PTCD3: variants seen among roughly 807,000 people sequenced by gnomAD.
PTCD3 encodes the protein pentatricopeptide repeat domain 3.
A neutral mutation model predicts 101.9 loss-of-function variants in PTCD3; 89 were observed. The ratio of observed to expected loss-of-function variants is 0.87; its 90% CI spans 0.74 to 1.04. The LOEUF is 1.04. Among genes scored for constraint, PTCD3 ranks in the 50% least tolerant of loss-of-function variants. The probability of loss-of-function intolerance (pLI) is 0.00; values close to 1 mark genes in which losing one functional copy is unlikely to be tolerated. For missense variants in PTCD3, 870 were observed against 828.2 expected (o/e 1.05, Z -0.62); for synonymous variants, 296 against 278.5 (o/e 1.06, Z -0.63).
At chr2:86,108,608 A>G in intron 3 of PTCD3, 72 bp downstream of exon 3, 4 of 1,386,992 alleles carry the variant, frequency 2.9e-6, no homozygotes, top group Non-Finnish European at 3.9e-6. Context: ...AGGGTTAGGT[A>G]AGGAGACAGT....
chr2:86,128,947 C>T (rs550787652), intron 14 of PTCD3, among the ~76,000 whole-genome samples: 1 of 152,234 alleles, frequency 6.6e-6, no homozygotes, highest in East Asian at 1.9e-4. Context: ...GAGAAATAAC[C>T]CTTGAGTTCA....
chr2:86,121,612 T>C lies in PTCD3; in HGVS notation c.654+18T>C. On this transcript the variant is annotated intron_variant, in intron 8 of 23. Coordinates refer to ENST00000254630, the MANE Select transcript of PTCD3 (RefSeq NM_017952.6). Reference sequence around the variant, plus strand: ...AAGCATTGGTAATAACTGTTGGCCTTGATTTTTTTTTTTCCTTAAGCTTCT... The same window carrying C: ...AAGCATTGGTAATAACTGTTGGCCTCGATTTTTTTTTTTCCTTAAGCTTCT... The C allele has an allele frequency of 6.6e-7, 1 of 1,513,380 alleles. No individual in the cohort carries two copies. Among genetic ancestry groups the C allele is most frequent in the Middle Eastern group, 1.8e-4 (1 of 5,700 alleles). 93.7% of individuals were successfully genotyped at this position (1,513,380 alleles called of 1,614,324 possible).
At chr2:86,127,361 C>A in intron 13 of PTCD3, 56 bp downstream of exon 13, 1 of 1,539,082 alleles carries the variant, frequency 6.5e-7, no homozygotes, top group Non-Finnish European at 8.8e-7. Context: ...CCAGAGGTTT[C>A]AGGGCTACAT....
chr2:86,131,215 C>T, intron 16 of PTCD3, 109 bp downstream of exon 16: 2 of 828,328 alleles, frequency 2.4e-6, no homozygotes, highest in Non-Finnish European at 3.6e-6. Flanking sequence ...CATGTCTTTG[C>T]TTCTGTTTTT....
Position 86,139,783 on chromosome 2 carries a change from A to G in PTCD3, c.*2224A>G, listed in dbSNP as rs1674651793. On this transcript the variant is annotated 3_prime_UTR_variant, in exon 24 of 24. Coordinates refer to ENST00000254630, the MANE Select transcript of PTCD3 (RefSeq NM_017952.6). ...ACCACTGCATTCCAGCCTGGTTGACAGAGTGACCCTTGTCTCCAAGAAAAA... is the reference window on the plus strand; with the variant it reads ...ACCACTGCATTCCAGCCTGGTTGACGGAGTGACCCTTGTCTCCAAGAAAAA... 1 of 152,154 alleles carries G rather than the reference A, an allele frequency of 6.6e-6. No homozygotes were observed. Among genetic ancestry groups the G allele is most frequent in the South Asian group, 2.1e-4 (1 of 4,818 alleles). The allele number at this position is 152,154 out of a possible 1,614,324, so 9.4% of individuals were successfully genotyped here.
In PTCD3 at chr2:86,116,605, A is replaced by G; in HGVS notation, c.309+7A>G. ...AGCATCATCTTTGGAATCTGTGAGT[A>G]TTTTCATATAATTTTCTAGTGTTTT... On this transcript the variant is annotated splice_region_variant and intron_variant, in intron 5 of 23. Coordinates refer to ENST00000254630, the MANE Select transcript of PTCD3 (RefSeq NM_017952.6). 1.3e-6 allele frequency: 2 copies of G among 1,591,646 alleles called. No individual in the cohort carries two copies. Among genetic ancestry groups the G allele is most frequent in the Non-Finnish European group, 1.7e-6 (2 of 1,159,754 alleles).
In PTCD3 at chr2:86,137,128, A is replaced by G. The variant is rs760169791; in HGVS notation, c.1967A>G (p.Asn656Ser). 10 of 1,586,776 alleles carry G rather than the reference A, an allele frequency of 6.3e-6. No individual in the cohort carries two copies. The highest frequency in any genetic ancestry group is 7.7e-6 in the Non-Finnish European group (9 of 1,167,678). ...AGAGTAATGAGTGATTTTGCAATCA[A>G]CCAGGAACAAAAGTAAGTGGTCACC... ...TQRVMSDFAI[N>S]QEQKEALSNL... Residue 656 changes from asparagine (N) to serine (S), a missense_variant, in exon 23 of 24, where the codon AAC (asparagine) becomes AGC (serine). Coordinates refer to ENST00000254630, the MANE Select transcript of PTCD3 (RefSeq NM_017952.6).
At chr2:86,128,026 G>A in intron 14 of PTCD3, 35 bp downstream of exon 14, 1 of 1,494,984 alleles carries the variant, frequency 6.7e-7, no homozygotes, top group Non-Finnish European at 9.3e-7. Context: ...AATTTATATA[G>A]AAAATTGACC....
chr2:86,124,025 G>T (rs1287783350), intron 9 of PTCD3, among the ~76,000 whole-genome samples: 2 of 151,826 alleles, frequency 1.3e-5, no homozygotes. Context: ...CTTTCATATG[G>T]TATGGTTCCT....
At chr2:86,112,600 T>C (rs1441090658) in intron 4 of PTCD3, among the ~76,000 whole-genome samples, 2 of 148,286 alleles carry the variant, frequency 1.3e-5, no homozygotes, top group Non-Finnish European at 3.0e-5. Flanking sequence ...GAGAATCTCT[T>C]GAACCTGGGA....
intron 3 of PTCD3, 163 bp downstream of exon 3, chr2:86,108,699 G>C (rs1014085398): frequency 1.5e-5 from 9 of 599,984 alleles, no homozygotes; most frequent in Non-Finnish European, 2.6e-5. Context: ...ACAAAAAATG[G>C]AAAGGTGGAG....
intron 4 of PTCD3, among the ~76,000 whole-genome samples, chr2:86,114,479 G>A (rs1268149010): frequency 1.3e-5 from 2 of 152,022 alleles, no homozygotes; most frequent in East Asian, 1.9e-4. Flanking sequence ...TAGTAGAGAC[G>A]GAGTTTCACT....
intron 15 of PTCD3, 83 bp from the exon 16 acceptor site, chr2:86,130,995 T>G: frequency 6.9e-7 from 1 of 1,456,622 alleles, no homozygotes; most frequent in Non-Finnish European, 9.4e-7. Flanking sequence ...CCAGTTTTGT[T>G]GGCAGGATTT....
chr2:86,108,093 T>G (rs1673998686), intron 1 of PTCD3, among the ~76,000 whole-genome samples: 1 of 143,520 alleles, frequency 7.0e-6, no homozygotes, highest in South Asian at 2.2e-4. Context: ...ACTACTTCAC[T>G]AAAGGCTAGG....
chr2:86,118,761 CAG>C (rs1332220172), intron 6 of PTCD3, among the ~76,000 whole-genome samples, 158 bp from the exon 7 acceptor site: 1 of 152,212 alleles, frequency 6.6e-6, no homozygotes, highest in African/African-American at 2.4e-5. Context: ...CCTGTGAAGA[CAG>C]TGATGTTAAA....
chr2:86,138,171 A>G lies in PTCD3; in HGVS notation c.*612A>G, dbSNP rs1213530952. ...TATTTTTGTTAATATAGCCGCTGCCATAGTTTTCTAACTTGAACAGCCATG... is the reference window on the plus strand; with the variant it reads ...TATTTTTGTTAATATAGCCGCTGCCGTAGTTTTCTAACTTGAACAGCCATG... On this transcript the variant is annotated 3_prime_UTR_variant, in exon 24 of 24. Coordinates refer to ENST00000254630, the MANE Select transcript of PTCD3 (RefSeq NM_017952.6). 1 of 152,602 alleles carries G rather than the reference A, an allele frequency of 6.6e-6. No individual in the cohort carries two copies. Among genetic ancestry groups the G allele is most frequent in the Non-Finnish European group, 1.5e-5 (1 of 68,342 alleles). 9.5% of individuals were successfully genotyped at this position (152,602 alleles called of 1,614,324 possible). A position where few individuals can be genotyped will look rare whatever the true frequency, so the allele number is the denominator to read the frequency against.
At chr2:86,106,729 C>A (rs1291004851) in intron 1 of PTCD3, among the ~76,000 whole-genome samples, 2 of 152,114 alleles carry the variant, frequency 1.3e-5, no homozygotes, top group African/African-American at 4.8e-5. Context: ...AAGATCTTCC[C>A]AAATAAAAGG....
At position 86,140,918 on chromosome 2, in the gene PTCD3, A is replaced by AG. The variant is rs1213136210; in HGVS notation, c.*3359_*3360insG. 8.6e-6 allele frequency: 1 copy of AG among 115,694 alleles called. No individual in the cohort carries two copies. Among genetic ancestry groups the AG allele is most frequent in the South Asian group, 3.6e-4 (1 of 2,758 alleles). The allele number at this position is 115,694 out of a possible 1,614,324, so 7.2% of individuals were successfully genotyped here. A position where few individuals can be genotyped will look rare whatever the true frequency, so the allele number is the denominator to read the frequency against. On this transcript the variant is annotated 3_prime_UTR_variant, in exon 24 of 24. Coordinates refer to ENST00000254630, the MANE Select transcript of PTCD3 (RefSeq NM_017952.6). ...AAAACCCATCTCAAAAAAAAAAAAA[A>AG]AAAACCAAAAAAACTGTCCAGCTGT...
rs1674655264 is a variant in PTCD3 at position 86,139,989 on chromosome 2, A to G, written c.*2430A>G. ...TGTTTTATAGCCATCAAAGTATTCA[A>G]GAGGTTGGATGGCACTCAAAAGATT... On this transcript the variant is annotated 3_prime_UTR_variant, in exon 24 of 24. Transcript: ENST00000254630. The G allele has an allele frequency of 1.3e-5, 2 of 152,230 alleles. No individual in the cohort carries two copies. The highest frequency in any genetic ancestry group is 1.5e-5 in the Non-Finnish European group (1 of 68,038). 9.4% of individuals were successfully genotyped at this position (152,230 alleles called of 1,614,324 possible).
Sources: allele counts gnomAD v4.1 joint callset (sites outside exome capture counted in the v4.1 genomes callset), GRCh38; gene constraint gnomAD v4.1.1; transcripts MANE v1.5; gene names NCBI Gene and HGNC (gene_info 2026-07-23, HGNC 2026-07-21).